The following SALL2 variants were observed in gnomAD, a reference collection of about 807,000 sequenced individuals.
SALL2 encodes sal-like protein 2.
A neutral mutation model predicts 58.5 loss-of-function variants in SALL2; 32 were observed. The ratio of observed to expected loss-of-function variants is 0.55; its 90% CI spans 0.41 to 0.74. The LOEUF is 0.74. SALL2 is among the 30% of genes least tolerant of loss of function. SALL2 has a pLI of 0.00. For missense variants in SALL2, 1,201 were observed against 1,268.9 expected (o/e 0.95, Z 0.81); for synonymous variants, 516 against 513.6 (o/e 1.00, Z -0.06).
In SALL2 at chr14:21,523,376, T is replaced by G; in HGVS notation, c.2346A>C (p.Ala782=). The change falls in exon 2 of 2, where the codon GCA becomes GCC. Residue 782 remains alanine, a synonymous_variant. Transcript: ENST00000537235. This position sits in a 1 kb window ranked among gnomAD's most constrained non-coding sequence, Gnocchi z 4.4. ...CACCTCCACTCTCTGAGCCTCTCCC[T>G]GCCAGGGAATCTTCATCAGTCACAT... ...EEDVTDEDSL[A]GRGSESGGEK... is the part of the protein sequence containing the mutation. 1 of 1,613,686 alleles carries G rather than the reference T, an allele frequency of 6.2e-7. No individual in the cohort carries two copies. The highest frequency in any genetic ancestry group is 8.5e-7 in the Non-Finnish European group (1 of 1,180,030).
chr14:21,523,107 C>T lies in SALL2; in HGVS notation c.2615G>A (p.Ser872Asn), dbSNP rs1892112601. Reference sequence around the variant, plus strand: ...TTCTGGGGTGAGTGCTGATGCCGGACTTGAGCTTCTCTCCGGTTTGCCCCC... The same window carrying T: ...TTCTGGGGTGAGTGCTGATGCCGGATTTGAGCTTCTCTCCGGTTTGCCCCC... Reference protein sequence around the residue: ...EEGGKPERSSSPASALTPEGE... With the variant: ...EEGGKPERSSNPASALTPEGE... Residue 872 changes from serine (S) to asparagine (N), a missense_variant, in exon 2 of 2, where the codon AGT (serine) becomes AAT (asparagine). This residue lies in a region of SALL2 where 675 missense variants were observed against 683.8 expected (regional missense o/e 0.99). Coordinates refer to ENST00000537235, the MANE Select transcript of SALL2 (RefSeq NM_001364564.1). The surrounding 1 kb of genome is among the most constrained non-coding windows in gnomAD (Gnocchi z 4.4). 2 of 1,614,206 alleles carry T rather than the reference C, an allele frequency of 1.2e-6. No individual in the cohort carries two copies. Among genetic ancestry groups the T allele is most frequent in the Non-Finnish European group, 1.7e-6 (2 of 1,180,038 alleles).
Position 21,523,002 on chromosome 14 carries a change from C to A in SALL2, c.2720G>T (p.Ser907Ile), listed in dbSNP as rs763684909. 5.8e-5 allele frequency: 93 copies of A among 1,614,050 alleles called. No individual in the cohort carries two copies. The highest frequency in any genetic ancestry group is 1.6e-4 in the Middle Eastern group (1 of 6,070). ...AMRKEPGESS[S>I]RKACEVCGQA... is the part of the protein sequence containing the mutation. ...GCCACACACTTCGCAGGCCTTTCTG[C>A]TGCTGCTCTCTCCTGGCTCCTTTCT... The change falls in exon 2 of 2, where the codon AGC (serine) becomes ATC (isoleucine). Residue 907 changes from serine to isoleucine, a missense_variant. This residue lies in a region of SALL2 where 675 missense variants were observed against 683.8 expected (regional missense o/e 0.99). Transcript: ENST00000537235. This position sits in a 1 kb window ranked among gnomAD's most constrained non-coding sequence, Gnocchi z 4.4.
chr14:21,526,023 G>GCCCCCCCCCCCCCCCC, intron 1 of SALL2, 38 bp downstream of exon 1: 1 of 898,726 alleles, frequency 1.1e-6, no homozygotes, highest in Non-Finnish European at 1.7e-6. Flanking sequence ...ATCCCCCTCC[G>GCCCCCCCCCCCCCCCC]CCCCCACCCC....
In SALL2 at chr14:21,525,182, G is replaced by A. The variant is rs568894155; in HGVS notation, c.540C>T (p.Ile180=). Residue 180 remains isoleucine, a synonymous_variant, in exon 2 of 2, where the codon ATC becomes ATT. Transcript: ENST00000537235. The surrounding 1 kb of genome is among the most constrained non-coding windows in gnomAD (Gnocchi z 4.4). ...GCTGCAGCACCCGTAGCTCTTCCAA[G>A]ATCAGGGGGATATTCAAGTGGCCAC... ...VGSGHLNIPL[I]LEELRVLQQR... The A allele has an allele frequency of 1.2e-4, 196 of 1,614,014 alleles. No homozygotes were observed. In the Middle Eastern group the frequency reaches 1.8e-3, roughly 15 times the overall value.
At chr14:21,527,228 C>A (rs1038440463), upstream of SALL2, among the ~76,000 whole-genome samples, 3 of 152,178 alleles carry the variant, frequency 2.0e-5, no homozygotes, top group Admixed American at 6.5e-5. Flanking sequence ...TGAAACAATG[C>A]GGTAGGAACT....
At chr14:21,526,014 T>TCCCCCACCCCCCCCCCCCCC in intron 1 of SALL2, 47 bp downstream of exon 1, 1 of 1,041,062 alleles carries the variant, frequency 9.6e-7, no homozygotes, top group Non-Finnish European at 1.4e-6. Context: ...CCCCTGCGCA[T>TCCCCCACCCCCCCCCCCCCC]CCCCCTCCGC....
In SALL2 at chr14:21,522,113, A is replaced by G. The variant is rs1376120230; in HGVS notation, c.*591T>C. ...TGGCTTCCCTGGATCCCATTGTTGG[A>G]GGCACCTTCCCAGCCACAGTTCCTA... On this transcript the variant is annotated 3_prime_UTR_variant, in exon 2 of 2. Transcript: ENST00000537235. 1 of 1,597,834 alleles carries G rather than the reference A, an allele frequency of 6.3e-7. No homozygotes were observed. Among genetic ancestry groups the G allele is most frequent in the Non-Finnish European group, 8.5e-7 (1 of 1,179,650 alleles).
exon 1 of SALL2, chr14:21,537,086 TCTCTCTCTCTGATTCTCTGTTCTTGA>T (rs973458221): frequency 4.0e-5 from 25 of 619,350 alleles, no homozygotes; most frequent in African/African-American, 3.1e-4. Flanking sequence ...ACAGACTCTC[TCTCTCTCTCTGATTCTCTGTTCTTGA>T]CTCTCTCTCT....
At chr14:21,526,001 C>CGGGGGGGGGG in intron 1 of SALL2, 60 bp downstream of exon 1, 2 of 1,389,788 alleles carry the variant, frequency 1.4e-6, no homozygotes, top group Non-Finnish European at 2.0e-6. Context: ...AAAGTCTTCG[C>CGGGGGGGGGG]CGCCCCTGCG....
Position 21,524,408 on chromosome 14 carries a change from G to A in SALL2, c.1314C>T (p.His438=), listed in dbSNP as rs766150612. 1.2e-6 allele frequency: 2 copies of A among 1,614,100 alleles called. No homozygotes were observed. The highest frequency in any genetic ancestry group is 2.7e-5 in the African/African-American group (2 of 74,928). Residue 438 remains histidine, a synonymous_variant, in exon 2 of 2, where the codon CAC becomes CAT. Coordinates refer to ENST00000537235, the MANE Select transcript of SALL2 (RefSeq NM_001364564.1). ...CACTGCTGGTAATGACATAGTCTAG[G>A]TGCTCTGGTACTGGGTGTGGGTTCA... The part of the protein sequence containing the change: ...VQMNPHPVPE[H]LDYVITSSGL...
Position 21,521,939 on chromosome 14 carries a change from C to A in SALL2, c.*765G>T. 1 of 1,484,000 alleles carries A rather than the reference C, an allele frequency of 6.7e-7. No homozygotes were observed. Among genetic ancestry groups the A allele is most frequent in the South Asian group, 1.3e-5 (1 of 75,788 alleles). The allele number at this position is 1,484,000 out of a possible 1,614,324, so 91.9% of individuals were successfully genotyped here. A position where few individuals can be genotyped will look rare whatever the true frequency, so the allele number is the denominator to read the frequency against. The stretch of plus-strand genomic sequence containing the variant: ...TCCCTACTTCCTAGGGTTGGGTCAC[C>A]AATTACTGGAGCATCTTCAGTACCG... On this transcript the variant is annotated 3_prime_UTR_variant, in exon 2 of 2. Coordinates refer to ENST00000537235, the MANE Select transcript of SALL2 (RefSeq NM_001364564.1).
In SALL2 at chr14:21,525,005, G is replaced by A; in HGVS notation, c.717C>T (p.Leu239=). 1.2e-6 allele frequency: 2 copies of A among 1,613,960 alleles called. No individual in the cohort carries two copies. Among genetic ancestry groups the A allele is most frequent in the Non-Finnish European group, 1.7e-6 (2 of 1,179,936 alleles). The part of the protein sequence containing the change: ...TASSTKPLLP[L]FSPIKPVQTS... Reference sequence around the variant, plus strand: ...TTTGGACAGGCTTGATGGGGCTGAAGAGGGGTAGTAGGGGCTTGGTGGAAG... The same window carrying A: ...TTTGGACAGGCTTGATGGGGCTGAAAAGGGGTAGTAGGGGCTTGGTGGAAG... The change falls in exon 2 of 2, where the codon CTC becomes CTT. Residue 239 remains leucine, a synonymous_variant. Transcript: ENST00000537235. The surrounding 1 kb of genome is among the most constrained non-coding windows in gnomAD (Gnocchi z 4.4).
chr14:21,535,755 T>C (rs1230488409), intron 1 of SALL2, among the ~76,000 whole-genome samples: 1 of 152,242 alleles, frequency 6.6e-6, no homozygotes, highest in Non-Finnish European at 1.5e-5. Flanking sequence ...GTATCAACTG[T>C]ATGCTAAACA....
rs1198871352 is a variant in SALL2 at position 21,526,309 on chromosome 14, G to A, written c.-182C>T. The A allele has an allele frequency of 2.8e-6, 4 of 1,432,848 alleles. No individual in the cohort carries two copies. In the East Asian group the frequency reaches 1.0e-4, roughly 36 times the overall value. 88.8% of individuals were successfully genotyped at this position (1,432,848 alleles called of 1,614,324 possible). A position where few individuals can be genotyped will look rare whatever the true frequency, so the allele number is the denominator to read the frequency against. ...AGGGGGAGGGGAGCGAGGAGGCGGGGAGAAGCTGGAGTGAGAAAGCGGGGA... is the reference window on the plus strand; with the variant it reads ...AGGGGGAGGGGAGCGAGGAGGCGGGAAGAAGCTGGAGTGAGAAAGCGGGGA... On this transcript the variant is annotated 5_prime_UTR_variant, in exon 1 of 2. Coordinates refer to ENST00000537235, the MANE Select transcript of SALL2 (RefSeq NM_001364564.1).
chr14:21,524,202 T>A lies in SALL2; in HGVS notation c.1520A>T (p.Asn507Ile). 1 of 1,612,300 alleles carries A rather than the reference T, an allele frequency of 6.2e-7. No homozygotes were observed. Among genetic ancestry groups the A allele is most frequent in the Non-Finnish European group, 8.5e-7 (1 of 1,179,032 alleles). ...CACTGCTTTCATGAGCACAAACTTA[T>A]TGAAAGCAGGGAGTCCTGGAGCCGT... ...TATAPGLPAF[N>I]KFVLMKAVEP... Residue 507 changes from asparagine (N) to isoleucine (I), a missense_variant, in exon 2 of 2, where the codon AAT becomes ATT. Physicochemically the swap from Asn to Ile is moderately radical, Grantham distance 149. This residue lies in a region of SALL2 where 675 missense variants were observed against 683.8 expected (regional missense o/e 0.99). Coordinates refer to ENST00000537235, the MANE Select transcript of SALL2 (RefSeq NM_001364564.1).
In SALL2 at chr14:21,523,706, CA is replaced by C; in HGVS notation, c.2015del (p.Leu672ArgfsTer104). The C allele has an allele frequency of 6.2e-7, 1 of 1,614,208 alleles. No homozygotes were observed. The highest frequency in any genetic ancestry group is 1.1e-5 in the South Asian group (1 of 91,086). On this transcript the variant is annotated frameshift_variant, in exon 2 of 2. Coordinates refer to ENST00000537235, the MANE Select transcript of SALL2 (RefSeq NM_001364564.1). LOFTEE classifies it high-confidence loss of function. The surrounding 1 kb of genome is among the most constrained non-coding windows in gnomAD (Gnocchi z 4.4). ...CGRAFSTRGNLRAHFVGHKAS... is the reference protein window; with the variant it reads ...CGRAFSTRGNXRAHFVGHKAS... ...CCTTGTGGCCCACGAAATGTGCACG[CA>C]GATTACCCCTGGTGGAGAAGGCTCT... is the stretch of plus-strand genomic sequence containing the variant.
At chr14:21,531,596 C>T (rs971301037) in intron 1 of SALL2, among the ~76,000 whole-genome samples, 17 of 151,474 alleles carry the variant, frequency 1.1e-4, no homozygotes, top group African/African-American at 2.2e-4. Context: ...TTAGTAGAGA[C>T]GGGGTTTCTT....
chr14:21,527,876 C>T (rs899056535), upstream of SALL2, among the ~76,000 whole-genome samples: 17 of 150,968 alleles, frequency 1.1e-4, no homozygotes, highest in South Asian at 1.7e-3. Context: ...AAAAGCCGGG[C>T]GCGGTGGCTC....
chr14:21,527,356 A>G (rs1566515056), upstream of SALL2, among the ~76,000 whole-genome samples: 2 of 152,242 alleles, frequency 1.3e-5, no homozygotes, highest in Non-Finnish European at 2.9e-5. Context: ...AGGATAAGTA[A>G]GAATAAAATG....
Sources: allele counts gnomAD v4.1 joint callset (sites outside exome capture counted in the v4.1 genomes callset), GRCh38; gene constraint gnomAD v4.1.1; regional missense constraint gnomAD v4.1.1; non-coding constraint Gnocchi (gnomAD v3.1); transcripts MANE v1.5; gene names NCBI Gene and HGNC (gene_info 2026-07-23, HGNC 2026-07-21).